IRX4: variants seen among roughly 807,000 people sequenced by gnomAD.
The protein encoded by IRX4 is iroquois-class homeodomain protein IRX-4.
IRX4 carries 22 observed loss-of-function variants against 32.0 expected under a neutral mutation model. The ratio of observed to expected loss-of-function variants is 0.69; its 90% CI spans 0.49 to 0.98. The LOEUF (loss-of-function observed/expected upper bound fraction) is 0.98. Ranked by LOEUF, IRX4 falls within the 50% of genes least tolerant of loss-of-function variation. The pLI is 0.00. For synonymous variants in IRX4, 379 were observed against 351.7 expected, an observed-to-expected ratio of 1.08 and a Z score of -0.87; for missense variants, 840 against 744.2, an observed-to-expected ratio of 1.13 and a Z score of -1.50.
chr5:1,884,495 C>T (rs890800179), upstream of IRX4: 4 of 152,264 alleles, frequency 2.6e-5, no homozygotes, highest in African/African-American at 4.8e-5. Context: ...AATACGAGTT[C>T]TCCGATCGCG....
At position 1,881,861 on chromosome 5, in the gene IRX4, C is replaced by T. The variant is rs1444059694; in HGVS notation, c.244G>A (p.Gly82Ser). 6.3e-7 allele frequency: 1 copy of T among 1,581,576 alleles called. No individual in the cohort carries two copies. The highest frequency in any genetic ancestry group is 8.6e-7 in the Non-Finnish European group (1 of 1,164,110). The stretch of plus-strand genomic sequence containing the variant: ...CCGTAGGTCACGTAGTTGCCATAGC[C>T]CTGCGATCCGCCATAGGGACCCCCA... The part of the protein sequence containing the change: ...VYGGPYGGSQ[G>S]YGNYVTYGSE... Residue 82 changes from glycine to serine, a missense_variant, in exon 2 of 5, where the codon GGC becomes AGC. Around this residue, in one of 3 missense-constraint regions of IRX4, gnomAD observed 241 missense variants for 220.8 expected, o/e 1.09. Transcript: ENST00000231357.
Position 1,877,939 on chromosome 5 carries a change from G to A in IRX4, c.*30C>T. 1 of 1,485,182 alleles carries A rather than the reference G, an allele frequency of 6.7e-7. No individual in the cohort carries two copies. The highest frequency in any genetic ancestry group is 8.9e-7 in the Non-Finnish European group (1 of 1,117,452). The allele number at this position is 1,485,182 out of a possible 1,614,324, so 92.0% of individuals were successfully genotyped here. A position where few individuals can be genotyped will look rare whatever the true frequency, so the allele number is the denominator to read the frequency against. ...GTCGGCGCCGTCCGCCTGAGCGCGG[G>A]TTCCCTCCTGGGCTCGGGACCCGCC... is the stretch of plus-strand genomic sequence containing the variant. On this transcript the variant is annotated 3_prime_UTR_variant, in exon 5 of 5. Coordinates refer to ENST00000231357, the MANE Select transcript of IRX4 (RefSeq NM_016358.3).
intron 1 of IRX4, among the ~76,000 whole-genome samples, chr5:1,882,397 G>A (rs1390005037): frequency 2.0e-5 from 3 of 152,208 alleles, no homozygotes; most frequent in African/African-American, 7.2e-5. Context: ...AGGGAACCCG[G>A]GCCCGGCCCG....
rs760847815 is a variant in IRX4 at position 1,878,168 on chromosome 5, T to C, written c.1361A>G (p.Asn454Ser). The C allele has an allele frequency of 1.3e-6, 2 of 1,579,386 alleles. No individual in the cohort carries two copies. The highest frequency in any genetic ancestry group is 1.7e-6 in the Non-Finnish European group (2 of 1,165,804). Residue 454 changes from asparagine to serine, a missense_variant, in exon 5 of 5, where the codon AAC (asparagine) becomes AGC (serine). This residue lies in a region of IRX4 where 585 missense variants were observed against 488.0 expected (regional missense o/e 1.20). Coordinates refer to ENST00000231357, the MANE Select transcript of IRX4 (RefSeq NM_016358.3). The part of the protein sequence containing the change: ...HDPILRHSTL[N>S]QAWATAKGAL... Reference sequence around the variant, plus strand: ...GCCCTTGGCGGTGGCCCAGGCCTGGTTCAAAGTGCTGTGCCTGAGGATGGG... The same window carrying C: ...GCCCTTGGCGGTGGCCCAGGCCTGGCTCAAAGTGCTGTGCCTGAGGATGGG...
At position 1,881,737 on chromosome 5, in the gene IRX4, T is replaced by TA. The variant is rs1250564757; in HGVS notation, c.297+70dup. ...GTCCGGGGACCCGGACTGGCGCGCCTACTGGGGCAAAAGTGGGCTTGGCAA... is the reference window on the plus strand; with the variant it reads ...GTCCGGGGACCCGGACTGGCGCGCCTAACTGGGGCAAAAGTGGGCTTGGCAA... On this transcript the variant is annotated intron_variant, in intron 2 of 4. Coordinates refer to ENST00000231357, the MANE Select transcript of IRX4 (RefSeq NM_016358.3). 28 of 1,537,402 alleles carry TA rather than the reference T, an allele frequency of 1.8e-5. No homozygotes were observed. The African/African-American group carries it at 3.9e-4, about 21-fold the overall frequency.
In IRX4 at chr5:1,882,603, C is replaced by A; in HGVS notation, c.45G>T (p.Gln15His). 5.4e-6 allele frequency: 8 copies of A among 1,473,072 alleles called. No homozygotes were observed. The highest frequency in any genetic ancestry group is 7.2e-6 in the Non-Finnish European group (8 of 1,117,394). The allele number at this position is 1,473,072 out of a possible 1,614,324, so 91.3% of individuals were successfully genotyped here. ...CTGGGCGGGGCGGGGCTCCGCTTAC[C>A]TGGGGAGCCGAGGAGTAGGGGTATC... is the stretch of plus-strand genomic sequence containing the variant. Reference protein sequence around the residue: ...QFGYPYSSAPQFLMATNSLST... With the variant: ...QFGYPYSSAPHFLMATNSLST... The change falls in exon 1 of 5, where the codon CAG becomes CAT. Residue 15 changes from glutamine (Q) to histidine (H), a missense_variant and splice_region_variant. By Grantham distance (24) the Gln-to-His change is conservative (BLOSUM62 0). Around this residue, in one of 3 missense-constraint regions of IRX4, gnomAD observed 241 missense variants for 220.8 expected, o/e 1.09. Coordinates refer to ENST00000231357, the MANE Select transcript of IRX4 (RefSeq NM_016358.3).
At chr5:1,878,832 G>C (rs772825463) in intron 4 of IRX4, 40 bp from the exon 5 acceptor site, 1 of 1,600,700 alleles carries the variant, frequency 6.2e-7, no homozygotes. Flanking sequence ...GGAGAGGGTT[G>C]GTAGGTGAAT....
chr5:1,877,830 T>C lies in IRX4; in HGVS notation c.*139A>G. The C allele has an allele frequency of 1.3e-6, 1 of 784,682 alleles. No individual in the cohort carries two copies. The highest frequency in any genetic ancestry group is 1.9e-6 in the Non-Finnish European group (1 of 514,904). The allele number at this position is 784,682 out of a possible 1,614,324, so 48.6% of individuals were successfully genotyped here. ...CCGGGCTTGTCCATGTTCCCAGGAGTCCAAGTTCAGAAGCCCCCTCTCCGG... is the reference window on the plus strand; with the variant it reads ...CCGGGCTTGTCCATGTTCCCAGGAGCCCAAGTTCAGAAGCCCCCTCTCCGG... On this transcript the variant is annotated 3_prime_UTR_variant, in exon 5 of 5. Transcript: ENST00000231357.
Position 1,877,599 on chromosome 5 carries a change from G to C in IRX4, c.*370C>G, listed in dbSNP as rs961706101. 5 of 256,432 alleles carry C rather than the reference G, an allele frequency of 1.9e-5. No individual in the cohort carries two copies. The highest frequency in any genetic ancestry group is 2.9e-5 in the Non-Finnish European group (4 of 136,644). The allele number at this position is 256,432 out of a possible 1,614,324, so 15.9% of individuals were successfully genotyped here. On this transcript the variant is annotated 3_prime_UTR_variant, in exon 5 of 5. Coordinates refer to ENST00000231357, the MANE Select transcript of IRX4 (RefSeq NM_016358.3). ...GTGCTGAGGATGAAATCGGAGGCCC[G>C]ACAGGCCCAGGAGGCCTCACGCCCA...
chr5:1,884,899 C>T (rs1310861328), upstream of IRX4, among the ~76,000 whole-genome samples: 2 of 144,684 alleles, frequency 1.4e-5, no homozygotes, highest in African/African-American at 5.0e-5. Context: ...CATCCTTCTA[C>T]TTCCCATTAT....
intron 2 of IRX4, among the ~76,000 whole-genome samples, chr5:1,881,257 G>A (rs1164192939): frequency 6.8e-6 from 1 of 146,892 alleles, no homozygotes; most frequent in East Asian, 2.1e-4. Flanking sequence ...GGGAGGGGCT[G>A]CTGAGCGAGG....
intron 2 of IRX4, among the ~76,000 whole-genome samples, chr5:1,881,355 G>A (rs1453386173): frequency 7.5e-6 from 1 of 132,910 alleles, no homozygotes; most frequent in African/African-American, 2.9e-5. Flanking sequence ...GAGCAAGGAG[G>A]GGGAGGAACA....
Position 1,878,209 on chromosome 5 carries a change from G to A in IRX4, c.1320C>T (p.Asp440=). The A allele has an allele frequency of 1.9e-6, 3 of 1,600,646 alleles. No individual in the cohort carries two copies. The highest frequency in any genetic ancestry group is 2.3e-5 in the South Asian group (2 of 88,616). The part of the protein sequence containing the change: ...SPVTSLRNWV[D]GVFHDPILRH... ...TGAGGATGGGGTCGTGGAAGACCCC[G>A]TCCACCCAGTTTCTGAGACTGGTTA... Residue 440 remains aspartate (D), a synonymous_variant, in exon 5 of 5, where the codon GAC becomes GAT. Transcript: ENST00000231357.
Position 1,878,528 on chromosome 5 carries a change from G to C in IRX4, c.1001C>G (p.Pro334Arg). 6.9e-6 allele frequency: 10 copies of C among 1,443,804 alleles called. No individual in the cohort carries two copies. Among genetic ancestry groups the C allele is most frequent in the Non-Finnish European group, 9.0e-6 (10 of 1,105,536 alleles). The allele number at this position is 1,443,804 out of a possible 1,614,324, so 89.4% of individuals were successfully genotyped here. Residue 334 changes from proline (P) to arginine (R), a missense_variant, in exon 5 of 5, where the codon CCG (proline) becomes CGG (arginine). This residue lies in a region of IRX4 where 585 missense variants were observed against 488.0 expected (regional missense o/e 1.20). Transcript: ENST00000231357. Reference sequence around the variant, plus strand: ...GCCCTCTGCGCCCGGCAGTGGCTCCGGCCCGGCCGCCGCGCTGCGGAGACA... The same window carrying C: ...GCCCTCTGCGCCCGGCAGTGGCTCCCGCCCGGCCGCCGCGCTGCGGAGACA... ...RSCLRSAAAG[P>R]EPLPGAEGGP... is the part of the protein sequence containing the mutation.
chr5:1,879,384 CG>C, intron 4 of IRX4, 119 bp downstream of exon 4: 1 of 1,505,114 alleles, frequency 6.6e-7, no homozygotes, highest in Non-Finnish European at 9.0e-7. Flanking sequence ...CCGGTTTGCA[CG>C]GTGACCGCCT....
Position 1,879,698 on chromosome 5 carries a change from A to G in IRX4, c.542T>C (p.Ile181Thr). 1.2e-6 allele frequency: 2 copies of G among 1,614,200 alleles called. No homozygotes were observed. Among genetic ancestry groups the G allele is most frequent in the Non-Finnish European group, 1.7e-6 (2 of 1,180,026 alleles). Residue 181 changes from isoleucine (I) to threonine (T), a missense_variant, in exon 4 of 5, where the codon ATC becomes ACC. Transcript: ENST00000231357. ...GACCTGTGTGAGGGTCATCTTGGTGATGATGGCCAGCATGATCTTCTCGCC... is the reference window on the plus strand; with the variant it reads ...GACCTGTGTGAGGGTCATCTTGGTGGTGATGGCCAGCATGATCTTCTCGCC... ...TKGEKIMLAI[I>T]TKMTLTQVST...
chr5:1,879,889 G>A lies in IRX4; in HGVS notation c.408-57C>T, dbSNP rs539386354. On this transcript the variant is annotated intron_variant, in intron 3 of 4. Coordinates refer to ENST00000231357, the MANE Select transcript of IRX4 (RefSeq NM_016358.3). ...GGGCCCTCTGGGCCCCAGGCATCAT[G>A]GGCATAGGGGTGGGGGTCGGCCAGG... is the stretch of plus-strand genomic sequence containing the variant. 2.6e-4 allele frequency: 418 copies of A among 1,603,064 alleles called. 3 individuals are homozygous for A. The East Asian group carries it at 3.7e-3, about 14-fold the overall frequency.
Position 1,878,536 on chromosome 5 carries a change from C to A in IRX4, c.993G>T (p.Ala331=). 1 of 1,451,108 alleles carries A rather than the reference C, an allele frequency of 6.9e-7. No individual in the cohort carries two copies. The highest frequency in any genetic ancestry group is 9.0e-7 in the Non-Finnish European group (1 of 1,108,758). 89.9% of individuals were successfully genotyped at this position (1,451,108 alleles called of 1,614,324 possible). ...ERARSCLRSA[A]AGPEPLPGAE... is the part of the protein sequence containing the mutation. ...CGCCCGGCAGTGGCTCCGGCCCGGC[C>A]GCCGCGCTGCGGAGACAGCTCCGGG... The change falls in exon 5 of 5, where the codon GCG becomes GCT. Residue 331 remains alanine, a synonymous_variant. Coordinates refer to ENST00000231357, the MANE Select transcript of IRX4 (RefSeq NM_016358.3).
rs1735248066 is a variant in IRX4, at chr5:1,877,781, G to A, written c.*188C>T. The A allele has an allele frequency of 1.0e-5, 6 of 588,916 alleles. No individual in the cohort carries two copies. The highest frequency in any genetic ancestry group is 3.2e-5 in the East Asian group (1 of 30,776). 36.5% of individuals were successfully genotyped at this position (588,916 alleles called of 1,614,324 possible). ...GGCCCGGTCAGGCTCAGGCCCAGGC[G>A]GTGGAGGCCCCGGCGTGGCAGCGCC... On this transcript the variant is annotated 3_prime_UTR_variant, in exon 5 of 5. Coordinates refer to ENST00000231357, the MANE Select transcript of IRX4 (RefSeq NM_016358.3).
Sources: allele counts gnomAD v4.1 joint callset (sites outside exome capture counted in the v4.1 genomes callset), GRCh38; gene constraint gnomAD v4.1.1; regional missense constraint gnomAD v4.1.1; transcripts MANE v1.5; gene names NCBI Gene and HGNC (gene_info 2026-07-23, HGNC 2026-07-21).